Variants in POLN observed in about 807,000 individuals in gnomAD.
The protein encoded by POLN is DNA polymerase nu, also known as DNA polymerase N.
In POLN, 108 loss-of-function variants were observed where a neutral mutation model predicts 113.5. That is an observed-to-expected ratio of 0.95 (90% CI 0.81 to 1.12). POLN has a LOEUF of 1.12. Ranked by LOEUF, POLN falls within the 50% of genes most tolerant of loss-of-function variation. The probability of loss-of-function intolerance (pLI) is 0.00; values close to 1 mark genes in which losing one functional copy is unlikely to be tolerated. For synonymous variants in POLN, 386 were observed against 391.5 expected (o/e 0.99, Z 0.17); for missense variants, 1,097 against 1,077.1 (o/e 1.02, Z -0.26).
chr4:2,131,325 A>C, intron 16 of POLN, 35 bp from the exon 17 acceptor site: 1 of 1,385,178 alleles, frequency 7.2e-7, no homozygotes, highest in Non-Finnish European at 1.0e-6. Context: ...TAGTTAAAAT[A>C]TCTACTCTTA....
At position 2,127,901 on chromosome 4, in the gene POLN, C is replaced by CT. The variant is rs1290449990; in HGVS notation, c.1982+211dup. Among the ~76,000 whole-genome samples, 2 of 152,112 alleles carry CT rather than the reference C, an allele frequency of 1.3e-5. No individual in the cohort carries two copies. Among genetic ancestry groups the CT allele is most frequent in the South Asian group, 2.1e-4 (1 of 4,822 alleles). ...TATTACATTCTCTAGGAATGGACTT[C>CT]TTTTTTTTAGTGGGGAAGAACCATC... is the stretch of plus-strand genomic sequence containing the variant. On this transcript the variant is annotated intron_variant, in intron 19 of 25. Transcript: ENST00000511885. The surrounding 1 kb of genome is among the most constrained non-coding windows in gnomAD (Gnocchi z 4.7).
intron 13 of POLN, among the ~76,000 whole-genome samples, chr4:2,161,523 T>C (rs555030969): frequency 3.3e-5 from 5 of 152,346 alleles, no homozygotes; most frequent in African/African-American, 1.2e-4. Context: ...GCTCGGGACC[T>C]GCAACCCGCC....
chr4:2,223,639 G>C (rs927102453), intron 3 of POLN, among the ~76,000 whole-genome samples: 3 of 152,196 alleles, frequency 2.0e-5, no homozygotes, highest in Non-Finnish European at 4.4e-5. Flanking sequence ...TAAGCTGTAT[G>C]ATCTAGCCTG....
chr4:2,221,565 T>C (rs1224985523), intron 3 of POLN, among the ~76,000 whole-genome samples: 1 of 152,074 alleles, frequency 6.6e-6, no homozygotes, highest in Non-Finnish European at 1.5e-5. Flanking sequence ...ATGCAACCTT[T>C]TGTCTCTTAC....
chr4:2,180,281 T>C (rs1415134885), intron 7 of POLN, among the ~76,000 whole-genome samples: 23 of 152,170 alleles, frequency 1.5e-4, no homozygotes, highest in Admixed American at 1.1e-3. Flanking sequence ...ACTTTAGACA[T>C]GAAGGGAGAG....
intron 19 of POLN, among the ~76,000 whole-genome samples, chr4:2,111,883 A>G (rs1018754018): frequency 2.6e-5 from 4 of 152,004 alleles, no homozygotes; most frequent in Non-Finnish European, 5.9e-5. Flanking sequence ...AGAATTGGAA[A>G]AAACTAAAGT....
At chr4:2,164,374 G>C (rs1381945158) in intron 13 of POLN, among the ~76,000 whole-genome samples, 1 of 151,510 alleles carries the variant, frequency 6.6e-6, no homozygotes, top group African/African-American at 2.4e-5. Context: ...GGTGGTGCAT[G>C]CCTATTATCC....
rs569258364 is a variant in POLN, at chr4:2,138,269, C to G, written c.1732-6979G>C. Among the ~76,000 whole-genome samples, 49 of 152,292 alleles carry G rather than the reference C, an allele frequency of 3.2e-4. No homozygotes were observed. The South Asian group carries it at 9.3e-3, about 29-fold the overall frequency. ...ATGGGGTTGGAGAAGCAGGTGGGGT[C>G]AGACCACCCAAAGCCCTAAGAGCTA... On this transcript the variant is annotated intron_variant, in intron 16 of 25. Coordinates refer to ENST00000511885, the MANE Select transcript of POLN (RefSeq NM_181808.4).
chr4:2,179,573 C>G, intron 7 of POLN, 108 bp from the exon 8 acceptor site: 1 of 1,122,950 alleles, frequency 8.9e-7, no homozygotes. Context: ...TTGTCATCCT[C>G]TCAAATTATA....
At chr4:2,077,037 G>A (rs1378908357) in intron 23 of POLN, 2 of 152,206 alleles carry the variant, frequency 1.3e-5, no homozygotes, top group Admixed American at 6.5e-5. Context: ...GGGAGGTAAG[G>A]AGTGGGAAGG....
chr4:2,084,182 C>T (rs1202926746), intron 21 of POLN, among the ~76,000 whole-genome samples: 1 of 152,258 alleles, frequency 6.6e-6, no homozygotes, highest in Non-Finnish European at 1.5e-5. Context: ...GACTGCATCT[C>T]AAATCTCTTT....
intron 19 of POLN, among the ~76,000 whole-genome samples, chr4:2,096,730 G>GAGAGAGAGAGAGAGAGAGAC (rs1361778474): frequency 6.9e-6 from 1 of 145,550 alleles, no homozygotes; most frequent in African/African-American, 2.6e-5. Context: ...GAGAGAGAGA[G>GAGAGAGAGAGAGAGAGAGAC]ACACACAGAG....
At chr4:2,232,070 T>C (rs1434386727) in intron 2 of POLN, 1 of 1,598,800 alleles carries the variant, frequency 6.3e-7, no homozygotes, top group African/African-American at 1.3e-5. Flanking sequence ...AAAGTTTTTC[T>C]TTTTGTCTTC....
Position 2,089,472 on chromosome 4 carries a change from A to G in POLN, c.2066-3728T>C, listed in dbSNP as rs947612270. On this transcript the variant is annotated intron_variant, in intron 20 of 25. Coordinates refer to ENST00000511885, the MANE Select transcript of POLN (RefSeq NM_181808.4). ...TTATATTGTTTTCTTTGTGTTCCCG[A>G]AACAGTTCAGTTAGGGATGGACTTT... 11 of 1,411,894 alleles carry G rather than the reference A, an allele frequency of 7.8e-6. No homozygotes were observed. The African/African-American group carries it at 1.2e-4, about 15-fold the overall frequency. 87.5% of individuals were successfully genotyped at this position (1,411,894 alleles called of 1,614,324 possible).
intron 16 of POLN, among the ~76,000 whole-genome samples, chr4:2,152,995 C>G (rs1732331136): frequency 6.6e-6 from 1 of 152,202 alleles, no homozygotes; most frequent in South Asian, 2.1e-4. Flanking sequence ...AAATCTGTCC[C>G]ACAAAAATAC....
At chr4:2,109,926 A>G (rs937962747) in intron 19 of POLN, among the ~76,000 whole-genome samples, 2 of 151,984 alleles carry the variant, frequency 1.3e-5, no homozygotes, top group African/African-American at 2.4e-5. Flanking sequence ...TTTCTCCTTC[A>G]TTGATATTTT....
intron 3 of POLN, among the ~76,000 whole-genome samples, chr4:2,221,701 G>C (rs964189301): frequency 6.6e-6 from 1 of 151,958 alleles, no homozygotes; most frequent in Non-Finnish European, 1.5e-5. Context: ...TCATCCTCCC[G>C]AGCAGCTGGG....
chr4:2,174,036 A>C lies in POLN; in HGVS notation c.1310-17T>G, dbSNP rs748561399. 1.2e-6 allele frequency: 2 copies of C among 1,612,792 alleles called. No individual in the cohort carries two copies. Among genetic ancestry groups the C allele is most frequent in the East Asian group, 4.5e-5 (2 of 44,882 alleles). On this transcript the variant is annotated splice_polypyrimidine_tract_variant and intron_variant, in intron 10 of 25. Coordinates refer to ENST00000511885, the MANE Select transcript of POLN (RefSeq NM_181808.4). ...TTTCCATCACTGTGATTCGAAACCC[A>C]AACCAGATCATATTTGCATTAATGT...
chr4:2,199,106 T>G (rs1409902184), intron 5 of POLN, among the ~76,000 whole-genome samples: 1 of 152,092 alleles, frequency 6.6e-6, no homozygotes, highest in Non-Finnish European at 1.5e-5. Context: ...GGAACCAAGA[T>G]CAAAGCACAG....
Sources: allele counts gnomAD v4.1 joint callset (sites outside exome capture counted in the v4.1 genomes callset), GRCh38; gene constraint gnomAD v4.1.1; non-coding constraint Gnocchi (gnomAD v3.1); transcripts MANE v1.5; gene names NCBI Gene and HGNC (gene_info 2026-07-23, HGNC 2026-07-21).